Variants in C8orf34 observed in about 807,000 individuals in gnomAD.
The protein encoded by C8orf34 is chromosome 8 open reading frame 34.
Under a neutral mutation model 68.3 loss-of-function variants are expected in C8orf34, and 65 were observed. The ratio of observed to expected loss-of-function variants is 0.95; its 90% confidence interval spans 0.78 to 1.17. The LOEUF is 1.17. C8orf34 is among the 50% of genes most tolerant of loss of function. C8orf34 has a pLI of 0.00. For missense variants in C8orf34, 664 were observed against 655.4 expected, an observed-to-expected ratio of 1.01 and a Z score of -0.14; for synonymous variants, 244 against 241.2, an observed-to-expected ratio of 1.01 and a Z score of -0.11.
chr8:68,698,160 A>C (rs544690185), intron 8 of C8orf34, among the ~76,000 whole-genome samples: 2 of 152,196 alleles, frequency 1.3e-5, no homozygotes, highest in African/African-American at 4.8e-5. Context: ...GTGATACTGT[A>C]TATCACTGGT....
chr8:68,438,379 A>C (rs1035157179), intron 1 of C8orf34: 12 of 152,174 alleles, frequency 7.9e-5, no homozygotes, highest in Non-Finnish European at 1.2e-4. Flanking sequence ...CCTCTTGTAG[A>C]AGTATCATTG....
At chr8:68,569,345 C>G (rs938142428) in intron 7 of C8orf34, among the ~76,000 whole-genome samples, 1 of 152,202 alleles carries the variant, frequency 6.6e-6, no homozygotes, top group Non-Finnish European at 1.5e-5. Context: ...AGGCTCAAGT[C>G]CACAGAGCAG....
chr8:68,751,124 A>G (rs1822694138), intron 10 of C8orf34, among the ~76,000 whole-genome samples: 1 of 152,168 alleles, frequency 6.6e-6, no homozygotes, highest in Admixed American at 6.5e-5. Context: ...GGACTCTATT[A>G]TTGAATATCT....
At chr8:68,620,044 G>A (rs1586463354) in intron 7 of C8orf34, among the ~76,000 whole-genome samples, 1 of 152,276 alleles carries the variant, frequency 6.6e-6, no homozygotes, top group East Asian at 1.9e-4. Flanking sequence ...ACTGATTGAT[G>A]GAAAATATGG....
intron 5 of C8orf34, among the ~76,000 whole-genome samples, chr8:68,497,979 C>T (rs1813604269): frequency 1.3e-5 from 2 of 152,214 alleles, no homozygotes; most frequent in South Asian, 4.1e-4. Flanking sequence ...CAGACATGCA[C>T]CACCATGCCC....
At chr8:68,741,195 C>T (rs531382205) in intron 10 of C8orf34, among the ~76,000 whole-genome samples, 1 of 152,100 alleles carries the variant, frequency 6.6e-6, no homozygotes, top group Admixed American at 6.5e-5. Context: ...ACTTATATAA[C>T]AAACCTGCAC....
At chr8:68,421,403 A>T (rs1233303814) in intron 1 of C8orf34, among the ~76,000 whole-genome samples, 3 of 152,204 alleles carry the variant, frequency 2.0e-5, no homozygotes, top group Non-Finnish European at 4.4e-5. Context: ...AACAAAACAA[A>T]ACAAAATGAA....
At chr8:68,653,450 G>C (rs918909245) in intron 8 of C8orf34, among the ~76,000 whole-genome samples, 2 of 152,064 alleles carry the variant, frequency 1.3e-5, no homozygotes, top group Non-Finnish European at 2.9e-5. Context: ...ATCCTGAAAG[G>C]CTCCTGTTTT....
At chr8:68,508,736 C>T (rs1814132257) in intron 5 of C8orf34, among the ~76,000 whole-genome samples, 1 of 152,092 alleles carries the variant, frequency 6.6e-6, no homozygotes, top group African/African-American at 2.4e-5. Context: ...ATAGGTGTGT[C>T]TTTCTCAAGG....
chr8:68,803,179 A>G (rs375897250), intron 12 of C8orf34, among the ~76,000 whole-genome samples: 8 of 152,196 alleles, frequency 5.3e-5, no homozygotes, highest in African/African-American at 1.4e-4. Flanking sequence ...CCAATACATA[A>G]CAGAAGAATT....
chr8:68,554,034 TTTCTC>T (rs1816172093), intron 7 of C8orf34, among the ~76,000 whole-genome samples: 1 of 152,112 alleles, frequency 6.6e-6, no homozygotes, highest in Admixed American at 6.5e-5. Context: ...AATGTGCTCT[TTTCTC>T]TGTGTGCCTC....
At chr8:68,421,092 AC>A (rs1313260273) in intron 1 of C8orf34, among the ~76,000 whole-genome samples, 1 of 152,184 alleles carries the variant, frequency 6.6e-6, no homozygotes, top group African/African-American at 2.4e-5. Context: ...ACTTAAAAAA[AC>A]CACATGTAAA....
chr8:68,578,656 A>T (rs529882733), intron 7 of C8orf34, among the ~76,000 whole-genome samples: 2 of 151,890 alleles, frequency 1.3e-5, no homozygotes, highest in Admixed American at 1.3e-4. Flanking sequence ...ATATATATAT[A>T]TTTCAATATT....
chr8:68,367,912 G>GAAAAAAAAAAAAAAAAAAAAAAAA (rs61562318), intron 1 of C8orf34, among the ~76,000 whole-genome samples: 10 of 79,116 alleles, frequency 1.3e-4, no homozygotes, highest in Non-Finnish European at 1.6e-4. Flanking sequence ...AAAAAGAAAA[G>GAAAAAAAAAAAAAAAAAAAAAAAA]AAAAAAAAAA....
intron 5 of C8orf34, among the ~76,000 whole-genome samples, chr8:68,495,882 G>A (rs1187269233): frequency 6.6e-6 from 1 of 152,196 alleles, no homozygotes; most frequent in East Asian, 1.9e-4. Flanking sequence ...TGTCCACAAT[G>A]GGTACTATTG....
rs145837434 is a variant in C8orf34 at position 68,336,002 on chromosome 8, G to T, written c.327+4663G>T. On this transcript the variant is annotated intron_variant, in intron 1 of 13. Transcript: ENST00000518698. ...CTCGGGAGGCTGAGGCAGGAGAATT[G>T]CTTGAACCCAGGAAGTGGAGGTTGC... Among the ~76,000 whole-genome samples, 1,185 of 152,202 alleles carry T rather than the reference G, an allele frequency of 7.8e-3. 19 individuals carry two copies. The highest frequency in any genetic ancestry group is 0.026 in the African/African-American group (1,096 of 41,514).
intron 1 of C8orf34, among the ~76,000 whole-genome samples, chr8:68,356,949 A>G (rs1806775275): frequency 6.6e-6 from 1 of 152,118 alleles, no homozygotes; most frequent in African/African-American, 2.4e-5. Flanking sequence ...CAGTGAGAAG[A>G]CATTTTATTT....
intron 6 of C8orf34, among the ~76,000 whole-genome samples, chr8:68,530,108 A>G (rs924637998): frequency 6.6e-6 from 1 of 152,102 alleles, no homozygotes; most frequent in African/African-American, 2.4e-5. Flanking sequence ...AATTTACAAT[A>G]TAAAATTTAA....
At chr8:68,803,721 TATAAG>T (rs1312551588) in intron 12 of C8orf34, among the ~76,000 whole-genome samples, 1 of 152,142 alleles carries the variant, frequency 6.6e-6, no homozygotes, top group African/African-American at 2.4e-5. Context: ...AATGCGTACA[TATAAG>T]ATAATAGATA....
Sources: allele counts gnomAD v4.1 joint callset (sites outside exome capture counted in the v4.1 genomes callset), GRCh38; gene constraint gnomAD v4.1.1; transcripts MANE v1.5; gene names NCBI Gene and HGNC (gene_info 2026-07-23, HGNC 2026-07-21).